KCND2: variants seen among roughly 807,000 people sequenced by gnomAD.
KCND2 encodes the protein A-type voltage-gated potassium channel KCND2.
Under a neutral mutation model 54.4 loss-of-function variants are expected in KCND2, and 16 were observed. The ratio of observed to expected loss-of-function variants is 0.29; its 90% CI spans 0.20 to 0.45. The LOEUF is 0.45. KCND2 is among the 20% of genes least tolerant of loss of function. The probability of loss-of-function intolerance (pLI) is 1.00; values close to 1 mark genes in which losing one functional copy is unlikely to be tolerated. For missense variants in KCND2, 486 were observed against 824.2 expected (o/e 0.59, Z 5.02); for synonymous variants, 317 against 310.7 (o/e 1.02, Z -0.21).
chr7:120,553,701 G>A (rs1175991234), intron 1 of KCND2, among the ~76,000 whole-genome samples: 2 of 152,188 alleles, frequency 1.3e-5, no homozygotes, highest in African/African-American at 2.4e-5. Flanking sequence ...GTCATCCTGT[G>A]AGTACAGAGA....
chr7:120,385,879 T>C (rs1449748262), intron 1 of KCND2, among the ~76,000 whole-genome samples: 1 of 152,166 alleles, frequency 6.6e-6, no homozygotes, highest in Non-Finnish European at 1.5e-5. Flanking sequence ...TTCATTGAGC[T>C]CTTTTCATTC....
Position 120,551,667 on chromosome 7 carries a change from C to A in KCND2, c.1116-181236C>A, listed in dbSNP as rs1171305985. ...GTCAAATGATTCCTTAATAGGTAAA[C>A]CATGAGAGGTTCGGATTTATAGCAT... On this transcript the variant is annotated intron_variant, in intron 1 of 5. Transcript: ENST00000331113. 5.3e-5 allele frequency among the ~76,000 whole-genome samples: 8 copies of A among 152,128 alleles called. No homozygotes were observed. In the East Asian group the frequency reaches 1.5e-3, roughly 29 times the overall value.
intron 1 of KCND2, among the ~76,000 whole-genome samples, chr7:120,276,858 T>C (rs1227660383): frequency 6.6e-6 from 1 of 152,074 alleles, no homozygotes; most frequent in East Asian, 1.9e-4. Context: ...TTAGATAAGC[T>C]GGGGAGTGAT....
At chr7:120,437,209 T>TTTTTTTTC (rs1390901841) in intron 1 of KCND2, among the ~76,000 whole-genome samples, 1 of 150,382 alleles carries the variant, frequency 6.6e-6, no homozygotes, top group Non-Finnish European at 1.5e-5. Flanking sequence ...TACAACTTTT[T>TTTTTTTTC]TTTTTTTTTT....
intron 1 of KCND2, among the ~76,000 whole-genome samples, chr7:120,668,332 A>G (rs1461297844): frequency 2.6e-5 from 4 of 152,062 alleles, no homozygotes; most frequent in Non-Finnish European, 4.4e-5. Flanking sequence ...AAATTAAAAC[A>G]CATTTCACTA....
chr7:120,553,023 A>T (rs1792121033), intron 1 of KCND2, among the ~76,000 whole-genome samples: 1 of 152,214 alleles, frequency 6.6e-6, no homozygotes, highest in African/African-American at 2.4e-5. Context: ...ATCACCTCAC[A>T]TAGTTACTTT....
intron 4 of KCND2, among the ~76,000 whole-genome samples, chr7:120,744,389 C>T (rs1792979673): frequency 6.6e-6 from 1 of 151,958 alleles, no homozygotes; most frequent in East Asian, 1.9e-4. Flanking sequence ...ATGCTACCTA[C>T]AAAAGTATGT....
intron 1 of KCND2, among the ~76,000 whole-genome samples, chr7:120,629,561 G>A (rs1214835382): frequency 6.6e-6 from 1 of 152,184 alleles, no homozygotes; most frequent in Non-Finnish European, 1.5e-5. Flanking sequence ...AGGAACTGTT[G>A]ATTTTATTTT....
chr7:120,293,830 C>A (rs973647791), intron 1 of KCND2, among the ~76,000 whole-genome samples: 1 of 151,848 alleles, frequency 6.6e-6, no homozygotes, highest in Non-Finnish European at 1.5e-5. Flanking sequence ...TGTGCATTAT[C>A]TGTAGAAGCA....
In KCND2 at chr7:120,275,393, G is replaced by T; in HGVS notation, c.761G>T (p.Arg254Leu). The change falls in exon 1 of 6, where the codon CGT becomes CTT. Residue 254 changes from arginine (R) to leucine (L), a missense_variant. Transcript: ENST00000331113. ...CTTCGCCTGGCTGCAGCGCCTAGTC[G>T]TTACCGTTTTGTGCGTAGTGTCATG... ...YLLRLAAAPS[R>L]YRFVRSVMSI... 1 of 1,613,734 alleles carries T rather than the reference G, an allele frequency of 6.2e-7. No individual in the cohort carries two copies. Among genetic ancestry groups the T allele is most frequent in the Non-Finnish European group, 8.5e-7 (1 of 1,179,954 alleles).
At position 120,706,544 on chromosome 7, in the gene KCND2, T is replaced by C. The variant is rs987273171; in HGVS notation, c.1116-26359T>C. On this transcript the variant is annotated intron_variant, in intron 1 of 5. Transcript: ENST00000331113. Reference sequence around the variant, plus strand: ...ATAAGGATCTTAGTCCCATTCACAATGGAACAGGTCTCATGGCTTAATCAC... The same window carrying C: ...ATAAGGATCTTAGTCCCATTCACAACGGAACAGGTCTCATGGCTTAATCAC... Among the ~76,000 whole-genome samples the C allele has an allele frequency of 2.5e-4, 38 of 152,192 alleles. 1 individual carries two copies. Among genetic ancestry groups the C allele is most frequent in the Non-Finnish European group, 2.9e-5 (2 of 68,012 alleles).
At chr7:120,436,795 A>G (rs1468336801) in intron 1 of KCND2, among the ~76,000 whole-genome samples, 7 of 152,040 alleles carry the variant, frequency 4.6e-5, no homozygotes, top group East Asian at 1.9e-4. Flanking sequence ...AGTATTTTTC[A>G]CTGGAGAAAT....
intron 1 of KCND2, among the ~76,000 whole-genome samples, chr7:120,540,825 A>G (rs1226367793): frequency 6.6e-6 from 1 of 152,152 alleles, no homozygotes; most frequent in East Asian, 1.9e-4. Flanking sequence ...AAAAAAAAAT[A>G]ACAATTTTAA....
chr7:120,491,229 T>C (rs6948806), intron 1 of KCND2, among the ~76,000 whole-genome samples: 42,944 of 151,978 alleles, frequency 0.28, 8,982 homozygotes, highest in African/African-American at 0.57. Context: ...GAAGATACCA[T>C]GAGGAGCAAG....
At chr7:120,732,566 T>C (rs947257395) in intron 1 of KCND2, among the ~76,000 whole-genome samples, 1 of 152,138 alleles carries the variant, frequency 6.6e-6, no homozygotes, top group African/African-American at 2.4e-5. Flanking sequence ...AATTTCAGCA[T>C]AGAATTATTG....
intron 1 of KCND2, among the ~76,000 whole-genome samples, chr7:120,580,907 G>C (rs1792506693): frequency 6.6e-6 from 1 of 152,156 alleles, no homozygotes; most frequent in African/African-American, 2.4e-5. Flanking sequence ...TTAGTGTAAG[G>C]ATAGTTGAAC....
chr7:120,549,519 G>C (rs760735600), intron 1 of KCND2, among the ~76,000 whole-genome samples: 1 of 152,152 alleles, frequency 6.6e-6, no homozygotes, highest in African/African-American at 2.4e-5. Context: ...AGTTTCATCT[G>C]TTATTACTTA....
At chr7:120,341,226 A>C (rs1397751115) in intron 1 of KCND2, among the ~76,000 whole-genome samples, 1 of 152,044 alleles carries the variant, frequency 6.6e-6, no homozygotes, top group African/African-American at 2.4e-5. Context: ...AGAAGAAAGG[A>C]AAAACTGTGA....
At chr7:120,429,056 G>C (rs1200462598) in intron 1 of KCND2, among the ~76,000 whole-genome samples, 1 of 152,146 alleles carries the variant, frequency 6.6e-6, no homozygotes, top group Non-Finnish European at 1.5e-5. Flanking sequence ...CTAGAGAGAA[G>C]AAAACTAGTT....
Sources: gnomAD v4.1 joint callset for allele counts (sites outside exome capture counted in the v4.1 genomes callset) on GRCh38, gnomAD v4.1.1 for gene constraint, MANE v1.5 for transcripts, NCBI Gene and HGNC (gene_info 2026-07-23, HGNC 2026-07-21) for gene names.